The following STX12 variants were observed in gnomAD, a reference collection of about 807,000 sequenced individuals.
STX12 encodes the protein syntaxin 12.
Under a neutral mutation model 42.2 loss-of-function variants are expected in STX12, and 17 were observed. The ratio of observed to expected loss-of-function variants is 0.40; its 90% CI spans 0.28 to 0.60. The LOEUF is 0.60. STX12 is among the 20% of genes least tolerant of loss of function. The pLI, the probability that STX12 is intolerant of heterozygous loss-of-function variation, is 0.39. For synonymous variants in STX12, 108 were observed against 116.7 expected (o/e 0.93, Z 0.48); for missense variants, 297 against 330.9 (o/e 0.90, Z 0.79).
At position 27,819,582 on chromosome 1, in the gene STX12, A is replaced by G. The variant is rs17162815; in HGVS notation, c.650-68A>G. ...TGAAACCAGGACATGTAACATCAGA[A>G]ATCTGTTCAATTTGCAGTCTTAAAA... On this transcript the variant is annotated intron_variant, in intron 7 of 8. Transcript: ENST00000373943. 7,922 of 1,386,252 alleles carry G rather than the reference A, an allele frequency of 5.7e-3. 385 individuals are homozygous for G. In the African/African-American group the frequency reaches 0.1, roughly 17 times the overall value. 85.9% of individuals were successfully genotyped at this position (1,386,252 alleles called of 1,614,324 possible). A position where few individuals can be genotyped will look rare whatever the true frequency, so the allele number is the denominator to read the frequency against.
intron 1 of STX12, among the ~76,000 whole-genome samples, chr1:27,780,707 T>C (rs1214197707): frequency 6.6e-6 from 1 of 152,000 alleles, no homozygotes; most frequent in Non-Finnish European, 1.5e-5. Context: ...ATCCCAGCAC[T>C]TGGGGAGGCT....
intron 4 of STX12, among the ~76,000 whole-genome samples, chr1:27,809,126 G>A (rs1379006743): frequency 1.3e-5 from 2 of 152,100 alleles, no homozygotes; most frequent in African/African-American, 4.8e-5. Context: ...ACGAGGTCAG[G>A]AGTTTGAGAG....
intron 2 of STX12, 132 bp from the exon 3 acceptor site, chr1:27,793,401 G>T: frequency 1.5e-6 from 1 of 665,884 alleles, no homozygotes; most frequent in Non-Finnish European, 2.6e-6. Flanking sequence ...TGTGAACCTG[G>T]GCATCTAGGG....
chr1:27,807,561 T>C (rs1356872280), intron 4 of STX12, among the ~76,000 whole-genome samples: 1 of 152,040 alleles, frequency 6.6e-6, no homozygotes, highest in East Asian at 1.9e-4. Flanking sequence ...ACACTGGGAG[T>C]TGTCATTATG....
At chr1:27,792,287 G>T (rs113199292) in intron 2 of STX12, among the ~76,000 whole-genome samples, 1,186 of 71,778 alleles carry the variant, frequency 0.017, 233 homozygotes, top group African/African-American at 0.14. Context: ...TATATATGTA[G>T]ATACATATAT....
At position 27,814,498 on chromosome 1, in the gene STX12, A is replaced by G. The variant is rs573255425; in HGVS notation, c.576+2230A>G. On this transcript the variant is annotated intron_variant, in intron 6 of 8. Transcript: ENST00000373943. ...AGCCATGATCGTGCCACTGCAATCC[A>G]GCCTGGGCAACAGAGCAAGACTCTG... Among the ~76,000 whole-genome samples the G allele has an allele frequency of 2.0e-5, 3 of 152,254 alleles. No homozygotes were observed. In the South Asian group the frequency reaches 6.2e-4, roughly 32 times the overall value.
Position 27,793,580 on chromosome 1 carries a change from A to G in STX12, c.236A>G (p.Glu79Gly). 6.2e-7 allele frequency: 1 copy of G among 1,614,144 alleles called. No individual in the cohort carries two copies. The highest frequency in any genetic ancestry group is 8.5e-7 in the Non-Finnish European group (1 of 1,180,010). ...AATCAGCTCGCCAAGGAAACAAATG[A>G]ATTGCTGAAAGAATTAGGGTCCTTG... ...STNQLAKETNELLKELGSLPL... is the reference protein window; with the variant it reads ...STNQLAKETNGLLKELGSLPL... Residue 79 changes from glutamate (E) to glycine (G), a missense_variant, in exon 3 of 9, where the codon GAA becomes GGA. By Grantham distance (98) the Glu-to-Gly change is moderately conservative (BLOSUM62 -2). Coordinates refer to ENST00000373943, the MANE Select transcript of STX12 (RefSeq NM_177424.3).
At chr1:27,786,269 C>G (rs2088697724) in intron 1 of STX12, among the ~76,000 whole-genome samples, 1 of 151,514 alleles carries the variant, frequency 6.6e-6, no homozygotes, top group Non-Finnish European at 1.5e-5. Context: ...AGTACCCTTG[C>G]TTTGGGGACT....
At chr1:27,804,713 A>T (rs2088849436) in intron 4 of STX12, among the ~76,000 whole-genome samples, 1 of 151,722 alleles carries the variant, frequency 6.6e-6, no homozygotes, top group African/African-American at 2.4e-5. Flanking sequence ...CAGGACGCTG[A>T]GGCAGGAGAC....
At chr1:27,811,714 C>G (rs184506940) in intron 5 of STX12, among the ~76,000 whole-genome samples, 15 of 152,214 alleles carry the variant, frequency 9.9e-5, no homozygotes, top group African/African-American at 3.1e-4. Flanking sequence ...GTTGAACTAA[C>G]TGGCAAAGCA....
At chr1:27,787,322 A>G (rs2088706047) in intron 1 of STX12, among the ~76,000 whole-genome samples, 1 of 152,178 alleles carries the variant, frequency 6.6e-6, no homozygotes. Context: ...GCACCCAGCA[A>G]TAAGTTAGAA....
chr1:27,793,745 C>T, intron 3 of STX12, 113 bp downstream of exon 3: 1 of 696,754 alleles, frequency 1.4e-6, no homozygotes, highest in South Asian at 1.8e-5. Flanking sequence ...AGATAGACCT[C>T]CTCTGCACCT....
chr1:27,807,872 C>T (rs1269615590), intron 4 of STX12, among the ~76,000 whole-genome samples: 1 of 152,122 alleles, frequency 6.6e-6, no homozygotes, highest in Non-Finnish European at 1.5e-5. Context: ...ACCACAGTTA[C>T]ATTCAGTATC....
intron 8 of STX12, chr1:27,819,978 G>A (rs1423509616): frequency 2.0e-5 from 7 of 346,808 alleles, no homozygotes; most frequent in African/African-American, 4.2e-5. Context: ...ACACTAATAT[G>A]ATACCTAAAT....
At chr1:27,804,426 CA>C (rs112720902) in intron 4 of STX12, among the ~76,000 whole-genome samples, 2 of 143,308 alleles carry the variant, frequency 1.4e-5, no homozygotes, top group Non-Finnish European at 3.1e-5. Context: ...AATTCCGTCT[CA>C]AAAAAAAATA....
chr1:27,811,634 G>A (rs1369062442), intron 5 of STX12, among the ~76,000 whole-genome samples: 1 of 151,690 alleles, frequency 6.6e-6, no homozygotes, highest in African/African-American at 2.4e-5. Context: ...ACCGCGCCTG[G>A]CCTGTTAAGA....
intron 4 of STX12, among the ~76,000 whole-genome samples, chr1:27,803,081 A>C (rs1406671748): frequency 6.6e-6 from 1 of 152,174 alleles, no homozygotes; most frequent in East Asian, 1.9e-4. Flanking sequence ...AAAATGGAGA[A>C]TGGAGAGAAA....
intron 4 of STX12, among the ~76,000 whole-genome samples, chr1:27,804,314 T>TA (rs1466323012): frequency 6.6e-6 from 1 of 151,304 alleles, no homozygotes; most frequent in Non-Finnish European, 1.5e-5. Flanking sequence ...TAATCCCAGC[T>TA]ACTTGGGAGG....
chr1:27,819,559 A>G (rs1424125465), intron 7 of STX12, 91 bp from the exon 8 acceptor site: 9 of 1,108,878 alleles, frequency 8.1e-6, no homozygotes, highest in African/African-American at 1.6e-5. Context: ...AGTGGTAGTG[A>G]AACCAGGACA....
Sources: allele counts gnomAD v4.1 joint callset (sites outside exome capture counted in the v4.1 genomes callset), GRCh38; gene constraint gnomAD v4.1.1; transcripts MANE v1.5; gene names NCBI Gene and HGNC (gene_info 2026-07-23, HGNC 2026-07-21).